The following TCAIM variants were observed in gnomAD, a reference collection of about 807,000 sequenced individuals.
TCAIM encodes the protein T cell activation inhibitor, mitochondrial.
Under a neutral mutation model 58.6 loss-of-function variants are expected in TCAIM, and 36 were observed. That is an observed-to-expected ratio of 0.61 (90% CI 0.47 to 0.81). The LOEUF is 0.81. TCAIM is among the 30% of genes least tolerant of loss of function. TCAIM has a pLI of 0.00. For missense variants in TCAIM, 466 were observed against 579.6 expected (o/e 0.80, Z 2.01); for synonymous variants, 172 against 193.6 (o/e 0.89, Z 0.93).
chr3:44,372,372 A>G (rs1017528568), intron 5 of TCAIM, among the ~76,000 whole-genome samples: 5 of 152,182 alleles, frequency 3.3e-5, no homozygotes, highest in South Asian at 2.1e-4. Flanking sequence ...ACTAAAACCT[A>G]TTAGCCATCA....
intron 8 of TCAIM, among the ~76,000 whole-genome samples, chr3:44,398,399 C>A (rs1701970233): frequency 6.6e-6 from 1 of 151,598 alleles, no homozygotes; most frequent in Non-Finnish European, 1.5e-5. Context: ...CACTGCATTC[C>A]AGCCTGGGCA....
chr3:44,349,003 G>A (rs891826951), intron 1 of TCAIM, among the ~76,000 whole-genome samples: 5 of 150,248 alleles, frequency 3.3e-5, no homozygotes, highest in South Asian at 2.1e-4. Flanking sequence ...GGGTGAGGAG[G>A]GGAGGTGATA....
chr3:44,378,555 C>A (rs772282046), intron 5 of TCAIM, among the ~76,000 whole-genome samples: 1 of 151,886 alleles, frequency 6.6e-6, no homozygotes. Context: ...CGGTGGCTCA[C>A]GCCTGTAATC....
intron 1 of TCAIM, among the ~76,000 whole-genome samples, chr3:44,347,592 T>C (rs777974097): frequency 3.3e-5 from 5 of 152,132 alleles, no homozygotes; most frequent in Admixed American, 1.3e-4. Flanking sequence ...ACAGGGTGGA[T>C]AGGCAAAACA....
intron 5 of TCAIM, among the ~76,000 whole-genome samples, chr3:44,375,455 A>C (rs1040946683): frequency 1.3e-5 from 2 of 152,218 alleles, no homozygotes; most frequent in African/African-American, 4.8e-5. Context: ...TAGCAATCAG[A>C]TCTTATGGAA....
intron 2 of TCAIM, 52 bp downstream of exon 2, chr3:44,354,863 T>G: frequency 6.4e-7 from 1 of 1,572,782 alleles, no homozygotes; most frequent in Non-Finnish European, 8.6e-7. Context: ...GGGAGGTCTG[T>G]TATGCATTTG....
intron 1 of TCAIM, among the ~76,000 whole-genome samples, chr3:44,347,681 G>C (rs1294288768): frequency 6.6e-6 from 1 of 152,178 alleles, no homozygotes; most frequent in East Asian, 1.9e-4. Context: ...GGAATTGTAA[G>C]GAGAGTTTAT....
intron 1 of TCAIM, among the ~76,000 whole-genome samples, chr3:44,350,623 A>G (rs907844370): frequency 3.9e-5 from 6 of 152,218 alleles, no homozygotes; most frequent in Admixed American, 1.3e-4. Context: ...ACAGAGTCTC[A>G]CTATGTTGCC....
At chr3:44,371,754 G>A (rs1180137466) in intron 5 of TCAIM, among the ~76,000 whole-genome samples, 1 of 152,140 alleles carries the variant, frequency 6.6e-6, no homozygotes, top group Non-Finnish European at 1.5e-5. Context: ...AACCTCTGCT[G>A]AGGGTTTGTT....
intron 1 of TCAIM, among the ~76,000 whole-genome samples, chr3:44,346,388 C>T (rs1286222432): frequency 6.6e-6 from 1 of 152,142 alleles, no homozygotes; most frequent in East Asian, 1.9e-4. Context: ...GGCGTCTACC[C>T]ATCCAGTGAA....
At chr3:44,402,370 T>A (rs563991163) in intron 10 of TCAIM, among the ~76,000 whole-genome samples, 1 of 152,160 alleles carries the variant, frequency 6.6e-6, no homozygotes, top group Admixed American at 6.5e-5. Flanking sequence ...TGATCACACC[T>A]CTGTACTCCA....
chr3:44,391,311 C>G (rs1701832546), intron 5 of TCAIM: 1 of 152,590 alleles, frequency 6.6e-6, no homozygotes, highest in Non-Finnish European at 1.5e-5. Flanking sequence ...GCCTCAGTCT[C>G]CTAAGCAGCT....
At position 44,359,099 on chromosome 3, in the gene TCAIM, T is replaced by C. The variant is rs545030409; in HGVS notation, c.165+1223T>C. On this transcript the variant is annotated intron_variant, in intron 3 of 10. Transcript: ENST00000342649. Reference sequence around the variant, plus strand: ...ATGTATTTTTTTTAATTAAGACTTCTGTATGCAGCAGGGCATGGTGGCACA... The same window carrying C: ...ATGTATTTTTTTTAATTAAGACTTCCGTATGCAGCAGGGCATGGTGGCACA... The C allele has an allele frequency of 3.1e-6, 3 of 981,530 alleles. No individual in the cohort carries two copies. In the East Asian group the frequency reaches 3.4e-4, roughly 112 times the overall value. The allele number at this position is 981,530 out of a possible 1,614,324, so 60.8% of individuals were successfully genotyped here. A position where few individuals can be genotyped will look rare whatever the true frequency, so the allele number is the denominator to read the frequency against.
chr3:44,395,732 C>A (rs1701922783), intron 6 of TCAIM, among the ~76,000 whole-genome samples: 1 of 152,254 alleles, frequency 6.6e-6, no homozygotes, highest in Non-Finnish European at 1.5e-5. Flanking sequence ...CGCCTGTAAT[C>A]CCAGCACTCT....
Position 44,360,248 on chromosome 3 carries a change from C to G in TCAIM, c.166-1117C>G, listed in dbSNP as rs568882428. On this transcript the variant is annotated intron_variant, in intron 3 of 10. Coordinates refer to ENST00000342649, the MANE Select transcript of TCAIM (RefSeq NM_173826.4). ...TTTGTTGTTTATTTTTCTCCCCTCA[C>G]TAAAATGCAAGCTCCATGAAGACTG... Among the ~76,000 whole-genome samples the G allele has an allele frequency of 2.6e-5, 4 of 151,992 alleles. No individual in the cohort carries two copies. The East Asian group carries it at 7.8e-4, about 29-fold the overall frequency.
chr3:44,342,205 G>A (rs1700868103), intron 1 of TCAIM, among the ~76,000 whole-genome samples: 1 of 152,052 alleles, frequency 6.6e-6, no homozygotes, highest in African/African-American at 2.4e-5. Flanking sequence ...CATTGTGTTA[G>A]CTCAAAGTAT....
chr3:44,352,279 T>G (rs1438275698), intron 1 of TCAIM, among the ~76,000 whole-genome samples: 1 of 152,084 alleles, frequency 6.6e-6, no homozygotes, highest in Non-Finnish European at 1.5e-5. Context: ...ATCTGATGGT[T>G]ATTATGCAAA....
At chr3:44,339,107 C>CAA (rs35230933) in intron 1 of TCAIM, among the ~76,000 whole-genome samples, 129,669 of 152,060 alleles carry the variant, frequency 0.85, 55,327 homozygotes, top group Middle Eastern at 0.92. Flanking sequence ...TCTCATATAG[C>CAA]GAGATTTAGA....
chr3:44,396,256 A>G (rs1701930918), intron 6 of TCAIM, 144 bp from the exon 7 acceptor site: 2 of 585,014 alleles, frequency 3.4e-6, no homozygotes, highest in Non-Finnish European at 2.8e-6. Context: ...CTAGCTTAGA[A>G]ACATATGATC....
Sources: allele counts gnomAD v4.1 joint callset (sites outside exome capture counted in the v4.1 genomes callset), GRCh38; gene constraint gnomAD v4.1.1; transcripts MANE v1.5; gene names NCBI Gene and HGNC (gene_info 2026-07-23, HGNC 2026-07-21).